The following BTG4 variants were observed in gnomAD, a reference collection of about 807,000 sequenced individuals.
The protein encoded by BTG4 is protein BTG4.
BTG4 carries 10 observed loss-of-function variants against 19.3 expected under a neutral mutation model. The observed-to-expected ratio is 0.52, with a 90% CI of 0.32 to 0.88. The LOEUF is 0.88. Among genes scored for constraint, BTG4 ranks in the 40% least tolerant of loss-of-function variants. The probability of loss-of-function intolerance (pLI) is 0.04; values close to 1 mark genes in which losing one functional copy is unlikely to be tolerated. For missense variants in BTG4, 238 were observed against 281.9 expected, an observed-to-expected ratio of 0.84 and a Z score of 1.11; for synonymous variants, 91 against 95.7, an observed-to-expected ratio of 0.95 and a Z score of 0.29.
chr11:111,512,040 C>T (rs1819878927), intron 1 of BTG4, 141 bp downstream of exon 1: 1 of 152,234 alleles, frequency 6.6e-6, no homozygotes, highest in African/African-American at 2.4e-5. Context: ...CACATCACTG[C>T]ATGGCCCTCT....
chr11:111,418,663 G>C, the BTG4 span, among the ~76,000 whole-genome samples: 140,120 of 152,174 alleles, frequency 0.92, 64,853 homozygotes, highest in East Asian at 1. Context: ...TAGCTACTTA[G>C]GCTAACCACC....
rs1867001037 is a variant in BTG4 at position 111,512,249 on chromosome 11, T to C, written c.-95A>G. On this transcript the variant is annotated 5_prime_UTR_variant, in exon 1 of 5. Transcript: ENST00000692032. ...GTAGGCTGGGGGCCTTCTTGGGGAA[T>C]GAGGGAGTGGAGGAGCTCTTTGTCC... 2 of 152,268 alleles carry C rather than the reference T, an allele frequency of 1.3e-5. No homozygotes were observed. Among genetic ancestry groups the C allele is most frequent in the Admixed American group, 1.3e-4 (2 of 15,286 alleles). The allele number at this position is 152,268 out of a possible 1,614,324, so 9.4% of individuals were successfully genotyped here.
At chr11:111,512,150 T>G (rs1343914466) in intron 1 of BTG4, 31 bp downstream of exon 1, 1 of 152,096 alleles carries the variant, frequency 6.6e-6, no homozygotes, top group Non-Finnish European at 1.5e-5. Context: ...CCACCTCCAT[T>G]TGGAAAATTC....
the BTG4 span, among the ~76,000 whole-genome samples, chr11:111,411,751 G>T: frequency 8.2e-4 from 125 of 152,230 alleles, no homozygotes; most frequent in Admixed American, 1.6e-3. Flanking sequence ...TTATTGATTT[G>T]TTTATGTCTG....
In BTG4 at chr11:111,509,795, T is replaced by C. The variant is rs560099092; in HGVS notation, c.-27+2386A>G. The stretch of plus-strand genomic sequence containing the variant: ...TCTAATTAGTCTAATTCTTCATTTC[T>C]TCCTCTTCCAACAACATCCTTCAAA... On this transcript the variant is annotated intron_variant, in intron 1 of 4. Transcript: ENST00000692032. Among the ~76,000 whole-genome samples, 11 of 152,226 alleles carry C rather than the reference T, an allele frequency of 7.2e-5. No individual in the cohort carries two copies. In the South Asian group the frequency reaches 2.3e-3, roughly 32 times the overall value.
the BTG4 span, among the ~76,000 whole-genome samples, chr11:111,389,488 A>C: frequency 6.6e-6 from 1 of 152,256 alleles, no homozygotes; most frequent in East Asian, 1.9e-4. Context: ...AAAGTAAGCT[A>C]AGCCTGGCCT....
upstream of BTG4, chr11:111,512,862 G>A: frequency 2.5e-6 from 1 of 403,634 alleles, no homozygotes. Context: ...GTCCCCCGGT[G>A]AAATGGGGTC....
At chr11:111,507,693 C>A (rs1177413364) in intron 1 of BTG4, 1 of 152,192 alleles carries the variant, frequency 6.6e-6, no homozygotes, top group African/African-American at 2.4e-5. Flanking sequence ...CTTCTGCTTC[C>A]TGTGGGCTAA....
the BTG4 span, among the ~76,000 whole-genome samples, chr11:111,444,920 C>A: frequency 6.6e-6 from 1 of 152,254 alleles, no homozygotes; most frequent in East Asian, 1.9e-4. Flanking sequence ...TCCAAGGCAA[C>A]GGTCAACCAA....
chr11:111,491,708 C>G (rs1865425048), downstream of BTG4, among the ~76,000 whole-genome samples: 1 of 136,464 alleles, frequency 7.3e-6, no homozygotes, highest in Non-Finnish European at 1.5e-5. Flanking sequence ...GCTCTCCAAC[C>G]TAGGTGACAG....
chr11:111,497,249 C>T lies in BTG4; in HGVS notation c.472G>A (p.Val158Ile). The T allele has an allele frequency of 6.2e-7, 1 of 1,613,194 alleles. No homozygotes were observed. The highest frequency in any genetic ancestry group is 2.2e-5 in the East Asian group (1 of 44,806). Residue 158 changes from valine to isoleucine, a missense_variant, in exon 4 of 5, where the codon GTC becomes ATC. By Grantham distance (29) the Val-to-Ile change is conservative. Coordinates refer to ENST00000692032, the MANE Select transcript of BTG4 (RefSeq NM_001367975.1). The stretch of plus-strand genomic sequence containing the variant: ...TTCGGATTGCTGACTTTAGGAATGA[C>T]ACGAGGTTCCTTGCTACAACTTTCT... ...DEESCSKEPR[V>I]IPKVSNPKSI...
intron 1 of BTG4, among the ~76,000 whole-genome samples, chr11:111,508,311 C>T (rs11213931): frequency 0.03 from 4,488 of 151,806 alleles, 102 homozygotes; most frequent in Middle Eastern, 0.087. Context: ...TAAAACAACA[C>T]ATTGTATACA....
the BTG4 span, among the ~76,000 whole-genome samples, chr11:111,426,275 G>GA: frequency 0.016 from 2,312 of 148,428 alleles, 31 homozygotes; most frequent in Middle Eastern, 0.1. Context: ...GAAGGGAAAT[G>GA]AAAAAAAAAT....
the BTG4 span, among the ~76,000 whole-genome samples, chr11:111,427,700 C>T: frequency 7.9e-5 from 12 of 152,234 alleles, no homozygotes; most frequent in East Asian, 1.4e-3. Context: ...TAGAGGGATA[C>T]TCTGGCAGCT....
At chr11:111,404,813 C>T in the BTG4 span, 13 of 367,696 alleles carry the variant, frequency 3.5e-5, no homozygotes, top group Non-Finnish European at 1.1e-5. Context: ...ATACAATTAG[C>T]AGCATGTTCC....
the BTG4 span, among the ~76,000 whole-genome samples, chr11:111,443,537 T>A: frequency 1.3e-5 from 2 of 152,124 alleles, no homozygotes; most frequent in Non-Finnish European, 2.9e-5. Flanking sequence ...AATAAAGTTT[T>A]TCAAAAAAAT....
At chr11:111,387,960 C>A in the BTG4 span, among the ~76,000 whole-genome samples, 1 of 151,980 alleles carries the variant, frequency 6.6e-6, no homozygotes, top group Non-Finnish European at 1.5e-5. Flanking sequence ...TCCATATTAC[C>A]AACATTATTT....
the BTG4 span, among the ~76,000 whole-genome samples, chr11:111,442,511 T>TGTAC: frequency 2.1e-5 from 1 of 48,116 alleles, no homozygotes; most frequent in African/African-American, 7.7e-5. Flanking sequence ...AAAAAATGTA[T>TGTAC]ACACACACAC....
intron 5 of BTG4, among the ~76,000 whole-genome samples, chr11:111,486,384 C>A (rs1441673548): frequency 6.6e-6 from 1 of 152,126 alleles, no homozygotes; most frequent in Admixed American, 6.6e-5. Flanking sequence ...GCAGATCACA[C>A]CAAGATCACA....
Sources: gnomAD v4.1 joint callset for allele counts (sites outside exome capture counted in the v4.1 genomes callset) on GRCh38, gnomAD v4.1.1 for gene constraint, MANE v1.5 for transcripts, NCBI Gene and HGNC (gene_info 2026-07-23, HGNC 2026-07-21) for gene names.